Variants in LLGL2 observed in about 807,000 individuals in gnomAD.
LLGL2 encodes LLGL2, scribble cell polarity complex component.
In LLGL2, 81 loss-of-function variants were observed where a neutral mutation model predicts 123.2. The ratio of observed to expected loss-of-function variants is 0.66; its 90% CI spans 0.55 to 0.79. LLGL2 has a LOEUF of 0.79. Among genes scored for constraint, LLGL2 ranks in the 30% least tolerant of loss-of-function variants. The probability of loss-of-function intolerance (pLI) is 0.00; values close to 1 mark genes in which losing one functional copy is unlikely to be tolerated. For synonymous variants in LLGL2, 577 were observed against 594.1 expected (o/e 0.97, Z 0.42); for missense variants, 1,273 against 1,414.6 (o/e 0.90, Z 1.61).
At chr17:75,546,568 G>T (rs558112313) in intron 2 of LLGL2, among the ~76,000 whole-genome samples, 1 of 55,492 alleles carries the variant, frequency 1.8e-5, no homozygotes, top group Admixed American at 1.4e-4. Flanking sequence ...GCAGACAGGC[G>T]GAGGGCAGGT....
chr17:75,526,641 C>G (rs1026598472), intron 1 of LLGL2, among the ~76,000 whole-genome samples: 6 of 152,084 alleles, frequency 3.9e-5, no homozygotes, highest in Non-Finnish European at 7.4e-5. Flanking sequence ...GCCCCTTCCC[C>G]TGGGGATCCG....
rs112639131 is a variant in LLGL2, at chr17:75,548,438, C to T, written c.75+4937C>T. On this transcript the variant is annotated intron_variant, in intron 2 of 25. Coordinates refer to ENST00000392550, the MANE Select transcript of LLGL2 (RefSeq NM_001031803.2). ...GATTACAGGCATGTGCCACCACGCC[C>T]GGCTAAAGGACAGCTTTTCAGAGCT... 9.7e-3 allele frequency among the ~76,000 whole-genome samples: 1,475 copies of T among 151,934 alleles called. 18 individuals carry two copies. The highest frequency in any genetic ancestry group is 0.034 in the African/African-American group (1,418 of 41,460).
rs114513045 is a variant in LLGL2 at position 75,569,027 on chromosome 17, C to T, written c.1372C>T (p.Arg458Trp). Residue 458 changes from arginine (R) to tryptophan (W), a missense_variant, in exon 13 of 26, where the codon CGG (arginine) becomes TGG (tryptophan). By Grantham distance (101) the Arg-to-Trp change is moderately radical (BLOSUM62 -3). Transcript: ENST00000392550. ...RFWDASGVCL[R>W]LLYKLSTVRV... ...CTGGGATGCCTCGGGTGTCTGCCTG[C>T]GGCTGCTCTACAAACTCAGCACTGT... 559 of 1,612,968 alleles carry T rather than the reference C, an allele frequency of 3.5e-4. 1 individual carries two copies. The African/African-American group carries it at 6.5e-3, about 19-fold the overall frequency.
In LLGL2 at chr17:75,558,248, G is replaced by C. The variant is rs767282638; in HGVS notation, c.255+12G>C. 1.9e-6 allele frequency: 3 copies of C among 1,608,100 alleles called. No individual in the cohort carries two copies. The African/African-American group carries it at 4.0e-5, about 21-fold the overall frequency. On this transcript the variant is annotated intron_variant, in intron 4 of 25. Transcript: ENST00000392550. This position sits in a 1 kb window ranked among gnomAD's most constrained non-coding sequence, Gnocchi z 4.0. ...TCCTGCCCGGCCAGGTGAGGGACCTGGGGTGGGACAGGAAGCCACTTCCAT... is the reference window on the plus strand; with the variant it reads ...TCCTGCCCGGCCAGGTGAGGGACCTCGGGTGGGACAGGAAGCCACTTCCAT...
intron 1 of LLGL2, among the ~76,000 whole-genome samples, chr17:75,541,252 G>A (rs897175642): frequency 1.1e-4 from 16 of 152,208 alleles, no homozygotes; most frequent in Admixed American, 5.9e-4. Context: ...GCAGGCAGTG[G>A]TCACTCTCCA....
chr17:75,536,054 C>T (rs2053989579), intron 1 of LLGL2, among the ~76,000 whole-genome samples: 2 of 152,176 alleles, frequency 1.3e-5, no homozygotes, highest in Admixed American at 6.5e-5. Flanking sequence ...TAAACCCTGG[C>T]GCCCGCCAAA....
intron 6 of LLGL2, among the ~76,000 whole-genome samples, chr17:75,560,651 T>G (rs1214689947): frequency 6.7e-6 from 1 of 150,240 alleles, no homozygotes; most frequent in Non-Finnish European, 1.5e-5. Flanking sequence ...CACACCCAGC[T>G]AATTTTGTAT....
chr17:75,555,185 A>G (rs2054852166), intron 2 of LLGL2, among the ~76,000 whole-genome samples: 1 of 152,102 alleles, frequency 6.6e-6, no homozygotes, highest in Non-Finnish European at 1.5e-5. Flanking sequence ...TCAAAAAAAA[A>G]AAAAATAGAC....
intron 21 of LLGL2, 71 bp downstream of exon 21, chr17:75,573,702 C>T: frequency 4.5e-6 from 6 of 1,343,568 alleles, no homozygotes; most frequent in Non-Finnish European, 5.9e-6. Context: ...TACCGAGGCT[C>T]CCACTGCTGC....
In LLGL2 at chr17:75,558,420, G is replaced by A; in HGVS notation, c.256-92G>A. The A allele has an allele frequency of 1.3e-5, 16 of 1,222,774 alleles. No homozygotes were observed. Among genetic ancestry groups the A allele is most frequent in the Non-Finnish European group, 1.8e-5 (16 of 872,118 alleles). The allele number at this position is 1,222,774 out of a possible 1,614,324, so 75.7% of individuals were successfully genotyped here. A position where few individuals can be genotyped will look rare whatever the true frequency, so the allele number is the denominator to read the frequency against. ...GGGCCACCCTGGGAGTGGCCAGGGG[G>A]TCTTTTAAACAACTGGGGCTGCGTG... On this transcript the variant is annotated intron_variant, in intron 4 of 25. Coordinates refer to ENST00000392550, the MANE Select transcript of LLGL2 (RefSeq NM_001031803.2). The surrounding 1 kb of genome is among the most constrained non-coding windows in gnomAD (Gnocchi z 4.0).
chr17:75,573,354 G>T (rs2055815009), intron 20 of LLGL2, 76 bp downstream of exon 20: 63 of 1,555,360 alleles, frequency 4.1e-5, no homozygotes, highest in Non-Finnish European at 5.3e-5. Context: ...GGGTGTTGTG[G>T]CCACGGCCAG....
intron 3 of LLGL2, among the ~76,000 whole-genome samples, chr17:75,556,479 C>G (rs781174936): frequency 1.3e-5 from 2 of 152,172 alleles, no homozygotes; most frequent in African/African-American, 2.4e-5. Context: ...TCAGTTTCCC[C>G]TCTCACCTAT....
At position 75,558,150 on chromosome 17, in the gene LLGL2, C is replaced by G. The variant is rs2055003574; in HGVS notation, c.174-5C>G. On this transcript the variant is annotated splice_polypyrimidine_tract_variant and splice_region_variant and intron_variant, in intron 3 of 25. Coordinates refer to ENST00000392550, the MANE Select transcript of LLGL2 (RefSeq NM_001031803.2). This position sits in a 1 kb window ranked among gnomAD's most constrained non-coding sequence, Gnocchi z 4.0. ...CTTCCAGAGCTTTCCTGAGCCTACT[C>G]CTAGCTACGGAGCCCCAGGCGTGGA... 1 of 1,613,650 alleles carries G rather than the reference C, an allele frequency of 6.2e-7. No individual in the cohort carries two copies. The highest frequency in any genetic ancestry group is 1.3e-5 in the African/African-American group (1 of 74,934).
intron 1 of LLGL2, among the ~76,000 whole-genome samples, chr17:75,528,984 G>A (rs1031372616): frequency 2.0e-5 from 3 of 151,094 alleles, no homozygotes; most frequent in East Asian, 4.1e-4. Context: ...CAGTGAAACC[G>A]GTCTCTACTT....
intron 10 of LLGL2, 120 bp from the exon 11 acceptor site, chr17:75,568,356 G>A: frequency 6.9e-7 from 1 of 1,457,962 alleles, no homozygotes. Flanking sequence ...TGCTCAAGCA[G>A]CCAAGAACAG....
rs2055855264 is a variant in LLGL2 at position 75,573,999 on chromosome 17, G to C, written c.2905+19G>C. The C allele has an allele frequency of 1.3e-6, 2 of 1,550,584 alleles. No individual in the cohort carries two copies. The highest frequency in any genetic ancestry group is 1.7e-6 in the Non-Finnish European group (2 of 1,146,980). ...GGCGAGGGTAAGACAGGCCTCCTGG[G>C]CTCATGCACACCTGGGCCACACCCG... On this transcript the variant is annotated intron_variant, in intron 22 of 25. Transcript: ENST00000392550.
At chr17:75,560,802 TAAAAA>T (rs372940306) in intron 6 of LLGL2, among the ~76,000 whole-genome samples, 1 of 96,066 alleles carries the variant, frequency 1.0e-5, no homozygotes, top group African/African-American at 3.3e-5. Context: ...GTTTATTTAT[TAAAAA>T]AAAAAAAAAA....
intron 1 of LLGL2, among the ~76,000 whole-genome samples, chr17:75,542,205 A>T: frequency 6.6e-6 from 1 of 151,994 alleles, no homozygotes; most frequent in East Asian, 1.9e-4. Context: ...ACCTCCCAAG[A>T]ACGCGAAATC....
rs117249958 is a variant in LLGL2, at chr17:75,537,969, C to G, written c.-30-5428C>G. Among the ~76,000 whole-genome samples, 1,309 of 152,212 alleles carry G rather than the reference C, an allele frequency of 8.6e-3. 31 individuals are homozygous for G. The highest frequency in any genetic ancestry group is 0.065 in the East Asian group (336 of 5,156). Reference sequence around the variant, plus strand: ...GACCACATGGTGCCCGTCACCATACCTGGCTAATTTTTTGTCTTTTTAGTA... The same window carrying G: ...GACCACATGGTGCCCGTCACCATACGTGGCTAATTTTTTGTCTTTTTAGTA... On this transcript the variant is annotated intron_variant, in intron 1 of 25. Coordinates refer to ENST00000392550, the MANE Select transcript of LLGL2 (RefSeq NM_001031803.2).
Sources: allele counts gnomAD v4.1 joint callset (sites outside exome capture counted in the v4.1 genomes callset), GRCh38; gene constraint gnomAD v4.1.1; non-coding constraint Gnocchi (gnomAD v3.1); transcripts MANE v1.5; gene names NCBI Gene and HGNC (gene_info 2026-07-23, HGNC 2026-07-21).